Variants in WNT3 observed in about 807,000 individuals in gnomAD.
WNT3 encodes Wnt family member 3.
WNT3 carries 7 observed loss-of-function variants against 34.2 expected under a neutral mutation model. The observed-to-expected ratio is 0.20, with a 90% CI of 0.12 to 0.38. The LOEUF (loss-of-function observed/expected upper bound fraction) is 0.38. Among genes scored for constraint, WNT3 ranks in the 10% least tolerant of loss-of-function variants. The pLI is 1.00. For missense variants in WNT3, 267 were observed against 499.8 expected, an observed-to-expected ratio of 0.53 and a Z score of 4.44; for synonymous variants, 212 against 211.5, an observed-to-expected ratio of 1.00 and a Z score of -0.02.
chr17:46,779,053 T>TCACACACACACACACACACA (rs56965619), intron 1 of WNT3, among the ~76,000 whole-genome samples: 1,303 of 100,580 alleles, frequency 0.013, 31 homozygotes, highest in Non-Finnish European at 0.016. Flanking sequence ...CCCTACCCCA[T>TCACACACACACACACACACA]CACACACACA....
At chr17:46,779,090 CACACACACACACA>C (rs2059436704) in intron 1 of WNT3, among the ~76,000 whole-genome samples, 1 of 148,216 alleles carries the variant, frequency 6.7e-6, no homozygotes, top group African/African-American at 2.6e-5. Context: ...CACACACACA[CACACACACACACA>C]CCCCAGCCCA....
intron 1 of WNT3, among the ~76,000 whole-genome samples, chr17:46,796,396 TATGTTATCATCACCCCTATCTC>T (rs1238943685): frequency 3.9e-5 from 6 of 152,198 alleles, no homozygotes; most frequent in Admixed American, 1.3e-4. Context: ...GTAAGGAAGG[TATGTTATCATCACCCCTATCTC>T]AGTGGGGAAA....
intron 4 of WNT3, among the ~76,000 whole-genome samples, chr17:46,767,417 G>A (rs757782225): frequency 5.3e-5 from 8 of 152,184 alleles, no homozygotes; most frequent in Non-Finnish European, 8.8e-5. Context: ...AGGTTGGTAC[G>A]ATTTATGCTT....
intron 1 of WNT3, among the ~76,000 whole-genome samples, chr17:46,780,776 C>CA (rs965018434): frequency 5.4e-5 from 8 of 147,774 alleles, no homozygotes; most frequent in Non-Finnish European, 1.0e-4. Flanking sequence ...GACTCTGTTT[C>CA]AAAAAAAAAG....
intron 1 of WNT3, among the ~76,000 whole-genome samples, chr17:46,802,087 A>G (rs867450001): frequency 2.9e-4 from 44 of 152,288 alleles, no homozygotes; most frequent in African/African-American, 9.9e-4. Context: ...TATAAAATAT[A>G]TATTTGGTCT....
At chr17:46,805,331 G>C (rs2084180679) in intron 1 of WNT3, among the ~76,000 whole-genome samples, 2 of 152,130 alleles carry the variant, frequency 1.3e-5, no homozygotes, top group Admixed American at 1.3e-4. Context: ...CCAGCATTTT[G>C]GGAGGTTGAG....
At chr17:46,789,933 A>G (rs1271916620) in intron 1 of WNT3, among the ~76,000 whole-genome samples, 2 of 152,204 alleles carry the variant, frequency 1.3e-5, no homozygotes, top group Non-Finnish European at 1.5e-5. Flanking sequence ...CCACATTCCC[A>G]GGAGGGCTTC....
At chr17:46,765,894 G>A (rs1472870207) in intron 4 of WNT3, among the ~76,000 whole-genome samples, 1 of 152,244 alleles carries the variant, frequency 6.6e-6, no homozygotes, top group African/African-American at 2.4e-5. Flanking sequence ...AGGCAGAAGA[G>A]CTGGCCTGGG....
At chr17:46,783,392 A>G (rs1188670207) in intron 1 of WNT3, among the ~76,000 whole-genome samples, 1 of 152,130 alleles carries the variant, frequency 6.6e-6, no homozygotes, top group East Asian at 1.9e-4. Context: ...CTGCCTATTC[A>G]CTCAACACGC....
chr17:46,772,192 G>T (rs978412082), intron 2 of WNT3, among the ~76,000 whole-genome samples: 1 of 152,210 alleles, frequency 6.6e-6, no homozygotes, highest in African/African-American at 2.4e-5. Flanking sequence ...CGCTCGCGGC[G>T]TCTTCCGGGA....
chr17:46,778,499 G>A (rs2059430244), intron 1 of WNT3, among the ~76,000 whole-genome samples: 1 of 152,162 alleles, frequency 6.6e-6, no homozygotes, highest in Non-Finnish European at 1.5e-5. Flanking sequence ...CTGCAGGATG[G>A]CTGCCCTTCC....
intron 4 of WNT3, among the ~76,000 whole-genome samples, chr17:46,767,779 T>TTTTTG (rs1555681901): frequency 6.6e-6 from 1 of 152,040 alleles, no homozygotes; most frequent in Admixed American, 6.5e-5. Flanking sequence ...TTTTGTTTTT[T>TTTTTG]TTTGTTTGTT....
chr17:46,777,933 C>T (rs1434166988), intron 1 of WNT3, among the ~76,000 whole-genome samples: 1 of 152,192 alleles, frequency 6.6e-6, no homozygotes, highest in African/African-American at 2.4e-5. Flanking sequence ...CAACTGTGGA[C>T]CTGGGAGCCA....
At chr17:46,782,066 G>C (rs940556062) in intron 1 of WNT3, among the ~76,000 whole-genome samples, 1 of 152,192 alleles carries the variant, frequency 6.6e-6, no homozygotes, top group Non-Finnish European at 1.5e-5. Context: ...TGGACCCAGG[G>C]GCTGCGGCCC....
intron 1 of WNT3, among the ~76,000 whole-genome samples, chr17:46,807,350 C>G (rs1308595197): frequency 6.6e-6 from 1 of 152,150 alleles, no homozygotes; most frequent in Non-Finnish European, 1.5e-5. Flanking sequence ...GGTGTGGTGG[C>G]GCATGCCTAT....
At position 46,802,096 on chromosome 17, in the gene WNT3, C is replaced by G. The variant is rs139416189; in HGVS notation, c.80+16422G>C. Among the ~76,000 whole-genome samples the G allele has an allele frequency of 1.3e-3, 202 of 152,264 alleles. 1 individual carries two copies. Among genetic ancestry groups the G allele is most frequent in the Middle Eastern group, 6.8e-3 (2 of 294 alleles). ...TGATATTATAAAATATATATTTGGT[C>G]TTCGACCTAGTTTCCCAGCGTACAA... On this transcript the variant is annotated intron_variant, in intron 1 of 4. Coordinates refer to ENST00000225512, the MANE Select transcript of WNT3 (RefSeq NM_030753.5).
chr17:46,816,275 T>C (rs1442629121), intron 1 of WNT3, among the ~76,000 whole-genome samples: 24 of 151,798 alleles, frequency 1.6e-4, no homozygotes, highest in Admixed American at 1.6e-3. Flanking sequence ...CACATGTACA[T>C]ACACACATCA....
chr17:46,774,005 A>G, intron 1 of WNT3, 96 bp from the exon 2 acceptor site: 1 of 1,511,580 alleles, frequency 6.6e-7, no homozygotes. Context: ...GGGTAGGTGG[A>G]GAGGCAGAGG....
intron 1 of WNT3, among the ~76,000 whole-genome samples, chr17:46,777,914 A>G (rs769043127): frequency 1.3e-5 from 2 of 152,202 alleles, no homozygotes; most frequent in African/African-American, 2.4e-5. Context: ...CCTGTTGCCC[A>G]GGTCCCACCA....
Sources: allele counts gnomAD v4.1 joint callset (sites outside exome capture counted in the v4.1 genomes callset), GRCh38; gene constraint gnomAD v4.1.1; transcripts MANE v1.5; gene names NCBI Gene and HGNC (gene_info 2026-07-23, HGNC 2026-07-21).